Variants in DOCK7 observed in about 807,000 individuals in gnomAD.
The protein encoded by DOCK7 is dedicator of cytokinesis protein 7.
In DOCK7, 138 loss-of-function variants were observed where a neutral mutation model predicts 271.0. The observed-to-expected ratio is 0.51, with a 90% CI of 0.44 to 0.59. The LOEUF is 0.59. DOCK7 is among the 20% of genes least tolerant of loss of function. The probability of loss-of-function intolerance (pLI) is 0.00; values close to 1 mark genes in which losing one functional copy is unlikely to be tolerated. For missense variants in DOCK7, 2,066 were observed against 2,592.4 expected, an observed-to-expected ratio of 0.80 and a Z score of 4.41; for synonymous variants, 823 against 876.1, an observed-to-expected ratio of 0.94 and a Z score of 1.07.
At chr1:62,458,192 C>T (rs12037659) in intron 48 of DOCK7, 50,203 of 153,980 alleles carry the variant, frequency 0.33, 8,314 homozygotes, top group South Asian at 0.42. Context: ...TGTACGCGCG[C>T]GCTGAGATTG....
Position 62,568,334 on chromosome 1 carries a change from G to A in DOCK7, c.2113-6631C>T, listed in dbSNP as rs1475731297. Among the ~76,000 whole-genome samples, 6 of 149,562 alleles carry A rather than the reference G, an allele frequency of 4.0e-5. No homozygotes were observed. The East Asian group carries it at 7.8e-4, about 20-fold the overall frequency. ...TTTTTTTTTTTTGAGACAGAGTCTCGCTGTCACCTAGACTGGAGTGCAGTG... is the reference window on the plus strand; with the variant it reads ...TTTTTTTTTTTTGAGACAGAGTCTCACTGTCACCTAGACTGGAGTGCAGTG... On this transcript the variant is annotated intron_variant, in intron 18 of 49. Coordinates refer to ENST00000635253, the MANE Select transcript of DOCK7 (RefSeq NM_001367561.1).
intron 14 of DOCK7, among the ~76,000 whole-genome samples, chr1:62,603,694 T>C (rs572099015): frequency 3.9e-5 from 6 of 151,946 alleles, no homozygotes; most frequent in African/African-American, 1.4e-4. Flanking sequence ...TCTATAATAA[T>C]GTAACACATT....
intron 37 of DOCK7, among the ~76,000 whole-genome samples, chr1:62,504,260 T>C (rs1646877565): frequency 6.6e-6 from 1 of 152,032 alleles, no homozygotes; most frequent in Non-Finnish European, 1.5e-5. Context: ...TAACATATAA[T>C]AAAAGACAAA....
chr1:62,572,012 T>A (rs1434561107), intron 18 of DOCK7, among the ~76,000 whole-genome samples: 1 of 152,184 alleles, frequency 6.6e-6, no homozygotes, highest in Non-Finnish European at 1.5e-5. Context: ...GGCACATGTT[T>A]ACCTATGTAA....
At chr1:62,553,634 T>C (rs1440901399) in intron 21 of DOCK7, among the ~76,000 whole-genome samples, 1 of 151,030 alleles carries the variant, frequency 6.6e-6, no homozygotes. Context: ...TTGGCCTCCT[T>C]GAAGCACTGG....
rs748268586 is a variant in DOCK7 at position 62,559,204 on chromosome 1, T to C, written c.2216A>G (p.Lys739Arg). ...SIHTQDPYLD[K>R]FFALVNALDE... ...CAGAGCATTGACCAGAGCAAAAAAT[T>C]TGTCAAGATAAGGATCCTAAAACAA... is the stretch of plus-strand genomic sequence containing the variant. The change falls in exon 20 of 50, where the codon AAA (lysine) becomes AGA (arginine). Residue 739 changes from lysine to arginine, a missense_variant. By Grantham distance (26) the Lys-to-Arg change is conservative. Coordinates refer to ENST00000635253, the MANE Select transcript of DOCK7 (RefSeq NM_001367561.1). 1 of 1,612,412 alleles carries C rather than the reference T, an allele frequency of 6.2e-7. No homozygotes were observed. Among genetic ancestry groups the C allele is most frequent in the African/African-American group, 1.3e-5 (1 of 74,824 alleles).
At chr1:62,605,831 A>G (rs991546591) in intron 14 of DOCK7, 4 of 152,084 alleles carry the variant, frequency 2.6e-5, no homozygotes, top group African/African-American at 4.8e-5. Context: ...ACATCACAAC[A>G]GATCCCTAAA....
chr1:62,608,544 G>A (rs1651334996), intron 14 of DOCK7: 1 of 152,070 alleles, frequency 6.6e-6, no homozygotes, highest in African/African-American at 2.4e-5. Context: ...CACCTCAAAT[G>A]GCACTTAGTG....
chr1:62,594,565 TTTCA>T (rs796999968), intron 14 of DOCK7, among the ~76,000 whole-genome samples: 9 of 152,212 alleles, frequency 5.9e-5, no homozygotes, highest in African/African-American at 2.2e-4. Context: ...GCTCAGTTAC[TTTCA>T]TTAACTAAAA....
At chr1:62,597,513 T>C (rs752991282) in intron 14 of DOCK7, 3 of 1,599,874 alleles carry the variant, frequency 1.9e-6, no homozygotes, top group Non-Finnish European at 2.6e-6. Flanking sequence ...AGTCTAGGTC[T>C]GCTTCCAGAA....
At chr1:62,589,342 T>G (rs556934161) in intron 14 of DOCK7, among the ~76,000 whole-genome samples, 22 of 152,196 alleles carry the variant, frequency 1.4e-4, no homozygotes, top group Non-Finnish European at 2.2e-4. Context: ...TATATTAGAG[T>G]TATTATTCTT....
intron 43 of DOCK7, chr1:62,486,758 A>C (rs1646305816): frequency 6.6e-6 from 1 of 152,098 alleles, no homozygotes; most frequent in African/African-American, 2.4e-5. Flanking sequence ...GACAAAAGTG[A>C]ATTTCTTTCC....
chr1:62,673,948 G>A (rs1328597754), intron 1 of DOCK7, among the ~76,000 whole-genome samples: 2 of 151,476 alleles, frequency 1.3e-5, no homozygotes, highest in South Asian at 2.1e-4. Flanking sequence ...AAGGAAGGGA[G>A]GGGGAAGGGG....
At chr1:62,618,237 A>G (rs1049860320) in intron 14 of DOCK7, among the ~76,000 whole-genome samples, 1 of 152,146 alleles carries the variant, frequency 6.6e-6, no homozygotes, top group Non-Finnish European at 1.5e-5. Flanking sequence ...CTCAACAAAT[A>G]TTGTTGATTT....
At chr1:62,594,167 T>G (rs1299956702) in intron 14 of DOCK7, among the ~76,000 whole-genome samples, 1 of 152,130 alleles carries the variant, frequency 6.6e-6, no homozygotes, top group Admixed American at 6.6e-5. Context: ...CAGGGTTCTA[T>G]TTAAATAGGC....
At chr1:62,677,100 G>T (rs56193814) in intron 1 of DOCK7, among the ~76,000 whole-genome samples, 5,469 of 152,248 alleles carry the variant, frequency 0.036, 244 homozygotes, top group African/African-American at 0.1. Flanking sequence ...ACTAAAAAAT[G>T]ACTAATTTTA....
rs1646241298 is a variant in DOCK7, at chr1:62,559,195, G to C, written c.2225C>G (p.Ala742Gly). The change falls in exon 20 of 50, where the codon GCT becomes GGT. Residue 742 changes from alanine (A) to glycine (G), a missense_variant. Ala to Gly is a moderately conservative substitution (Grantham distance 60). Around this residue, in one of 2 missense-constraint regions of DOCK7, gnomAD observed 1,414 missense variants for 1,670.4 expected, o/e 0.85. Coordinates refer to ENST00000635253, the MANE Select transcript of DOCK7 (RefSeq NM_001367561.1). The stretch of plus-strand genomic sequence containing the variant: ...GTGTTCATCCAGAGCATTGACCAGA[G>C]CAAAAAATTTGTCAAGATAAGGATC... ...TQDPYLDKFF[A>G]LVNALDEHLF... 1 of 1,611,152 alleles carries C rather than the reference G, an allele frequency of 6.2e-7. No homozygotes were observed. The highest frequency in any genetic ancestry group is 1.3e-5 in the African/African-American group (1 of 74,718).
intron 43 of DOCK7, among the ~76,000 whole-genome samples, chr1:62,479,527 A>G (rs1271290589): frequency 2.6e-5 from 4 of 152,310 alleles, no homozygotes; most frequent in African/African-American, 4.8e-5. Flanking sequence ...CAAAAGAACA[A>G]CATAATAATA....
intron 15 of DOCK7, among the ~76,000 whole-genome samples, chr1:62,583,624 A>G (rs2149493234): frequency 6.6e-6 from 1 of 152,302 alleles, no homozygotes; most frequent in African/African-American, 2.4e-5. Flanking sequence ...AACCTACTAT[A>G]CAAATTGTTG....
Sources: allele counts gnomAD v4.1 joint callset (sites outside exome capture counted in the v4.1 genomes callset), GRCh38; gene constraint gnomAD v4.1.1; regional missense constraint gnomAD v4.1.1; transcripts MANE v1.5; gene names NCBI Gene and HGNC (gene_info 2026-07-23, HGNC 2026-07-21).